The following TCF7L1 variants were observed in gnomAD, a reference collection of about 807,000 sequenced individuals.
TCF7L1 encodes transcription factor 7-like 1.
TCF7L1 carries 18 observed loss-of-function variants against 63.7 expected under a neutral mutation model. That is an observed-to-expected ratio of 0.28 (90% CI 0.20 to 0.42). The LOEUF is 0.42. Among genes scored for constraint, TCF7L1 ranks in the 10% least tolerant of loss-of-function variants. TCF7L1 has a pLI of 1.00. For missense variants in TCF7L1, 654 were observed against 779.3 expected (o/e 0.84, Z 1.91); for synonymous variants, 355 against 340.9 (o/e 1.04, Z -0.46).
Position 85,303,987 on chromosome 2 carries a change from C to T in TCF7L1, c.751C>T (p.Leu251Phe). The T allele has an allele frequency of 6.3e-7, 1 of 1,595,394 alleles. No homozygotes were observed. The highest frequency in any genetic ancestry group is 8.5e-7 in the Non-Finnish European group (1 of 1,172,072). Residue 251 changes from leucine (L) to phenylalanine (F), a missense_variant, in exon 6 of 12, where the codon CTC becomes TTC. Leu to Phe is a conservative substitution (Grantham distance 22). This residue lies in a region of TCF7L1 where 404 missense variants were observed against 454.8 expected (regional missense o/e 0.89). Coordinates refer to ENST00000282111, the MANE Select transcript of TCF7L1 (RefSeq NM_031283.3). ...ACAAATCCCCCACCCCCTCGGCTGG[C>T]TCGTCCCACAGTAAGGAACCCACAG... ...VGQIPHPLGW[L>F]VPQQGQPMYS...
At chr2:85,187,696 AC>A (rs902777294) in intron 3 of TCF7L1, among the ~76,000 whole-genome samples, 2 of 152,204 alleles carry the variant, frequency 1.3e-5, no homozygotes, top group Admixed American at 6.5e-5. Context: ...CTAGCCCTCT[AC>A]CAAGACCATG....
intron 3 of TCF7L1, among the ~76,000 whole-genome samples, chr2:85,144,028 G>A (rs888818924): frequency 6.6e-6 from 1 of 152,178 alleles, no homozygotes; most frequent in Non-Finnish European, 1.5e-5. Context: ...ATTGAAATTG[G>A]TGAGGGTTGG....
At chr2:85,140,777 C>T (rs1677710166) in intron 3 of TCF7L1, among the ~76,000 whole-genome samples, 1 of 152,032 alleles carries the variant, frequency 6.6e-6, no homozygotes, top group South Asian at 2.1e-4. Flanking sequence ...AGGAGAATTG[C>T]TTTAACCTGG....
chr2:85,230,132 C>T (rs977746312), intron 3 of TCF7L1, among the ~76,000 whole-genome samples: 1 of 152,210 alleles, frequency 6.6e-6, no homozygotes, highest in Non-Finnish European at 1.5e-5. Context: ...TGGTGTCCAG[C>T]TTTTTTCACT....
intron 4 of TCF7L1, among the ~76,000 whole-genome samples, chr2:85,294,045 T>TC (rs1553407870): frequency 1.8e-5 from 2 of 113,404 alleles, no homozygotes; most frequent in Admixed American, 1.0e-4. Flanking sequence ...TTTTTTTTTT[T>TC]TTTTTTTTTG....
At chr2:85,213,932 G>A (rs1384776030) in intron 3 of TCF7L1, among the ~76,000 whole-genome samples, 1 of 152,228 alleles carries the variant, frequency 6.6e-6, no homozygotes, top group East Asian at 1.9e-4. Context: ...GCTGGATCCA[G>A]AGGGTGTCCC....
At position 85,279,970 on chromosome 2, in the gene TCF7L1, A is replaced by C. The variant is rs115564397; in HGVS notation, c.442-3525A>C. On this transcript the variant is annotated intron_variant, in intron 3 of 11. Transcript: ENST00000282111. ...CTTGTTACATAGATAAAACAAGTAC[A>C]TGGTCAGACACCCAAAAGAGTGGCT... Among the ~76,000 whole-genome samples, 584 of 152,352 alleles carry C rather than the reference A, an allele frequency of 3.8e-3. 8 individuals are homozygous for C. Among genetic ancestry groups the C allele is most frequent in the African/African-American group, 0.014 (570 of 41,578 alleles).
At chr2:85,194,123 G>T (rs1344931735) in intron 3 of TCF7L1, among the ~76,000 whole-genome samples, 1 of 151,878 alleles carries the variant, frequency 6.6e-6, no homozygotes, top group East Asian at 1.9e-4. Context: ...GAGAGGAGAA[G>T]GGGGGAATAA....
chr2:85,269,742 A>C (rs1681098614), intron 3 of TCF7L1, among the ~76,000 whole-genome samples: 2 of 152,228 alleles, frequency 1.3e-5, no homozygotes, highest in Admixed American at 1.3e-4. Flanking sequence ...CAGCCCTTCC[A>C]CTGTCCGTCA....
Position 85,259,191 on chromosome 2 carries a change from C to T in TCF7L1, c.442-24304C>T, listed in dbSNP as rs1003396083. On this transcript the variant is annotated intron_variant, in intron 3 of 11. Transcript: ENST00000282111. The stretch of plus-strand genomic sequence containing the variant: ...AGTGAGTATTTGTGGAATGAGCGGC[C>T]GAGCCGCTGCAGACTGATGAGTGTT... Among the ~76,000 whole-genome samples, 27 of 152,298 alleles carry T rather than the reference C, an allele frequency of 1.8e-4. 1 individual carries two copies. The South Asian group carries it at 5.0e-3, about 28-fold the overall frequency.
chr2:85,283,693 G>C, intron 4 of TCF7L1, 115 bp downstream of exon 4: 1 of 1,146,378 alleles, frequency 8.7e-7, no homozygotes, highest in Non-Finnish European at 1.3e-6. Context: ...TTCCTCAAAT[G>C]TGTGAGTACA....
chr2:85,229,020 C>CA (rs1182542916), intron 3 of TCF7L1, among the ~76,000 whole-genome samples: 14,214 of 56,898 alleles, frequency 0.25, 2,632 homozygotes, highest in African/African-American at 0.43. Context: ...GACTCTGTCT[C>CA]AAAAAAAAAA....
intron 3 of TCF7L1, among the ~76,000 whole-genome samples, chr2:85,213,977 G>A (rs1679630969): frequency 6.6e-6 from 1 of 152,192 alleles, no homozygotes; most frequent in Admixed American, 6.5e-5. Context: ...TCCCACCCCA[G>A]TGGGATGCTC....
chr2:85,248,292 A>G (rs1471635781), intron 3 of TCF7L1, among the ~76,000 whole-genome samples: 1 of 152,172 alleles, frequency 6.6e-6, no homozygotes, highest in Admixed American at 6.5e-5. Flanking sequence ...CAACTCACCC[A>G]TGCATGGGAA....
chr2:85,252,965 T>G (rs779762262), intron 3 of TCF7L1, among the ~76,000 whole-genome samples: 4 of 152,192 alleles, frequency 2.6e-5, no homozygotes, highest in Non-Finnish European at 4.4e-5. Flanking sequence ...TTTAGGCCCT[T>G]TCTCAGACGG....
intron 3 of TCF7L1, among the ~76,000 whole-genome samples, chr2:85,218,678 C>T (rs538614576): frequency 6.6e-6 from 1 of 151,952 alleles, no homozygotes; most frequent in South Asian, 2.1e-4. Flanking sequence ...TTTCCTAAAG[C>T]TTTTGCATTT....
At chr2:85,187,058 C>G (rs1050690052) in intron 3 of TCF7L1, 1 of 152,220 alleles carries the variant, frequency 6.6e-6, no homozygotes, top group African/African-American at 2.4e-5. Context: ...GCACCAGATA[C>G]ACATTTTGGA....
At position 85,133,708 on chromosome 2, in the gene TCF7L1, C is replaced by A. The variant is rs1275565028; in HGVS notation, c.24C>A (p.Gly8=). 8.6e-6 allele frequency: 3 copies of A among 349,296 alleles called. No homozygotes were observed. The highest frequency in any genetic ancestry group is 8.4e-5 in the African/African-American group (1 of 11,966). The allele number at this position is 349,296 out of a possible 1,614,324, so 21.6% of individuals were successfully genotyped here. MPQLGGG[G]GGGGGGSGGG... ...CCATGCCCCAGCTCGGCGGCGGGGGCGGCGGCGGCGGCGGCGGCAGCGGGG... is the reference window on the plus strand; with the variant it reads ...CCATGCCCCAGCTCGGCGGCGGGGGAGGCGGCGGCGGCGGCGGCAGCGGGG... Residue 8 remains glycine (G), a synonymous_variant, in exon 1 of 12, where the codon GGC becomes GGA. Coordinates refer to ENST00000282111, the MANE Select transcript of TCF7L1 (RefSeq NM_031283.3). This position sits in a 1 kb window ranked among gnomAD's most constrained non-coding sequence, Gnocchi z 4.4.
chr2:85,221,541 G>C (rs926441106), intron 3 of TCF7L1, among the ~76,000 whole-genome samples: 4 of 152,136 alleles, frequency 2.6e-5, no homozygotes, highest in Non-Finnish European at 5.9e-5. Context: ...TTACTGCATC[G>C]TCCTATAGCA....
Sources: gnomAD v4.1 joint callset for allele counts (sites outside exome capture counted in the v4.1 genomes callset) on GRCh38, gnomAD v4.1.1 for gene constraint, gnomAD v4.1.1 regional missense constraint, Gnocchi (gnomAD v3.1) non-coding constraint, MANE v1.5 for transcripts, NCBI Gene and HGNC (gene_info 2026-07-23, HGNC 2026-07-21) for gene names.